ARHGAP10: variants seen among roughly 807,000 people sequenced by gnomAD.
The protein encoded by ARHGAP10 is Rho GTPase activating protein 10.
In ARHGAP10, 87 loss-of-function variants were observed where a neutral mutation model predicts 108.6. The ratio of observed to expected loss-of-function variants is 0.80; its 90% CI spans 0.67 to 0.96. The LOEUF (loss-of-function observed/expected upper bound fraction) is 0.96. Ranked by LOEUF, ARHGAP10 falls within the 40% of genes least tolerant of loss-of-function variation. ARHGAP10 has a pLI of 0.00. For synonymous variants in ARHGAP10, 347 were observed against 341.1 expected (o/e 1.02, Z -0.19); for missense variants, 939 against 954.5 (o/e 0.98, Z 0.21).
At chr4:147,920,445 C>T (rs1302170861) in intron 13 of ARHGAP10, among the ~76,000 whole-genome samples, 2 of 151,828 alleles carry the variant, frequency 1.3e-5, no homozygotes, top group African/African-American at 4.9e-5. Flanking sequence ...TCCCTGCAAC[C>T]TAAATCCAAA....
rs190981237 is a variant in ARHGAP10, at chr4:147,871,768, C to A, written c.703-3253C>A. Among the ~76,000 whole-genome samples, 4 of 152,178 alleles carry A rather than the reference C, an allele frequency of 2.6e-5. No homozygotes were observed. The East Asian group carries it at 7.7e-4, about 29-fold the overall frequency. On this transcript the variant is annotated intron_variant, in intron 7 of 22. Coordinates refer to ENST00000336498, the MANE Select transcript of ARHGAP10 (RefSeq NM_024605.4). ...TTTTAGCCATTCTATTGATTTTATG[C>A]AAAGTTTTCAATTCATAATTTACCT...
rs73853720 is a variant in ARHGAP10 at position 148,072,228 on chromosome 4, G to A, written c.*147G>A. 1.3e-3 allele frequency: 669 copies of A among 527,482 alleles called. 3 individuals carry two copies. Among genetic ancestry groups the A allele is most frequent in the African/African-American group, 0.012 (627 of 50,928 alleles). 32.7% of individuals were successfully genotyped at this position (527,482 alleles called of 1,614,324 possible). ...CATCATCACAGTCAGCCCTGGGGGT[G>A]GGGGGTGGTGGGCAGGGATGGGACG... On this transcript the variant is annotated 3_prime_UTR_variant, in exon 23 of 23. Coordinates refer to ENST00000336498, the MANE Select transcript of ARHGAP10 (RefSeq NM_024605.4).
chr4:148,028,163 G>A (rs770991553), intron 19 of ARHGAP10, among the ~76,000 whole-genome samples: 3 of 152,092 alleles, frequency 2.0e-5, no homozygotes, highest in Non-Finnish European at 2.9e-5. Context: ...GAGCTGTTTC[G>A]GCAGTTGGGT....
At chr4:147,739,005 A>G (rs961475269) in intron 1 of ARHGAP10, among the ~76,000 whole-genome samples, 2 of 151,480 alleles carry the variant, frequency 1.3e-5, no homozygotes, top group Non-Finnish European at 2.9e-5. Flanking sequence ...GAACATGGTG[A>G]AACCCCATCT....
At chr4:148,035,263 A>G (rs1438310725) in intron 19 of ARHGAP10, among the ~76,000 whole-genome samples, 1 of 152,226 alleles carries the variant, frequency 6.6e-6, no homozygotes, top group Non-Finnish European at 1.5e-5. Flanking sequence ...TCTTTGGGCA[A>G]CAGAAAATAA....
At chr4:148,002,721 G>C (rs1342582421) in intron 18 of ARHGAP10, among the ~76,000 whole-genome samples, 3 of 152,000 alleles carry the variant, frequency 2.0e-5, no homozygotes, top group Non-Finnish European at 4.4e-5. Flanking sequence ...ATAGTATTCT[G>C]TGATGGTAGT....
rs1448964603 is a variant in ARHGAP10 at position 147,996,664 on chromosome 4, C to T, written c.1717-26599C>T. ...GGCTGAATCCTCATCCTCCCTGTAC[C>T]CATTTGTTATGGACTAAACTGTGAC... On this transcript the variant is annotated intron_variant, in intron 18 of 22. Transcript: ENST00000336498. Among the ~76,000 whole-genome samples, 7 of 152,270 alleles carry T rather than the reference C, an allele frequency of 4.6e-5. No homozygotes were observed. In the East Asian group the frequency reaches 1.4e-3, roughly 29 times the overall value.
chr4:147,818,966 T>G lies in ARHGAP10; in HGVS notation c.155-3761T>G, dbSNP rs552781256. 3.2e-4 allele frequency among the ~76,000 whole-genome samples: 49 copies of G among 152,290 alleles called. 1 individual carries two copies. The highest frequency in any genetic ancestry group is 1.0e-3 in the African/African-American group (42 of 41,572). On this transcript the variant is annotated intron_variant, in intron 1 of 22. Transcript: ENST00000336498. ...TCACCAGAAAGGGGAAAATGAGTGATAGAAATGCTTATATTTTAAAATGAA... is the reference window on the plus strand; with the variant it reads ...TCACCAGAAAGGGGAAAATGAGTGAGAGAAATGCTTATATTTTAAAATGAA...
At chr4:148,032,232 A>G (rs1036650587) in intron 19 of ARHGAP10, among the ~76,000 whole-genome samples, 1 of 151,420 alleles carries the variant, frequency 6.6e-6, no homozygotes, top group African/African-American at 2.4e-5. Context: ...CTGCGTCTGC[A>G]AGCCAGATCT....
chr4:147,984,165 C>T (rs888536994), intron 18 of ARHGAP10, among the ~76,000 whole-genome samples: 1 of 152,092 alleles, frequency 6.6e-6, no homozygotes, highest in African/African-American at 2.4e-5. Flanking sequence ...GTTTAAGCTG[C>T]AGTCCAGTAG....
intron 3 of ARHGAP10, 115 bp from the exon 4 acceptor site, chr4:147,847,036 C>T (rs192839442): frequency 2.4e-5 from 18 of 746,700 alleles, no homozygotes; most frequent in African/African-American, 1.4e-4. Flanking sequence ...GAGATAAAGC[C>T]GTTAAATACG....
At chr4:147,906,826 C>T (rs997468913) in intron 11 of ARHGAP10, 107 bp downstream of exon 11, 1 of 1,303,870 alleles carries the variant, frequency 7.7e-7, no homozygotes, top group Middle Eastern at 2.0e-4. Context: ...CCTTCTATAA[C>T]AGGTATTCCA....
At chr4:147,793,117 G>A (rs1273058978) in intron 1 of ARHGAP10, among the ~76,000 whole-genome samples, 1 of 152,032 alleles carries the variant, frequency 6.6e-6, no homozygotes, top group African/African-American at 2.4e-5. Context: ...TCCAGCCTGG[G>A]CGACAGAGTG....
chr4:148,012,005 A>T (rs1405051459), intron 18 of ARHGAP10, among the ~76,000 whole-genome samples: 1 of 152,176 alleles, frequency 6.6e-6, no homozygotes, highest in Non-Finnish European at 1.5e-5. Context: ...AGCATGCATG[A>T]CCCAATTTGA....
At chr4:148,030,331 T>G (rs1207669466) in intron 19 of ARHGAP10, among the ~76,000 whole-genome samples, 1 of 152,180 alleles carries the variant, frequency 6.6e-6, no homozygotes, top group Non-Finnish European at 1.5e-5. Flanking sequence ...TATAGCCCCC[T>G]TTGAAACTCT....
rs149873388 is a variant in ARHGAP10 at position 147,743,280 on chromosome 4, G to A, written c.154+10825G>A. 3.5e-3 allele frequency among the ~76,000 whole-genome samples: 535 copies of A among 152,104 alleles called. 5 individuals carry two copies. Among genetic ancestry groups the A allele is most frequent in the African/African-American group, 0.012 (499 of 41,496 alleles). The stretch of plus-strand genomic sequence containing the variant: ...GAATGCTTGACCTCGTGATCCACCC[G>A]CCTCAGCCTCAAAGTGCTGAGATTA... On this transcript the variant is annotated intron_variant, in intron 1 of 22. Coordinates refer to ENST00000336498, the MANE Select transcript of ARHGAP10 (RefSeq NM_024605.4).
chr4:147,894,473 A>G (rs1735911481), intron 10 of ARHGAP10, among the ~76,000 whole-genome samples: 1 of 152,194 alleles, frequency 6.6e-6, no homozygotes, highest in South Asian at 2.1e-4. Flanking sequence ...ATATAATAAT[A>G]GTGAATATTT....
At chr4:147,796,951 A>G (rs2126754290) in intron 1 of ARHGAP10, among the ~76,000 whole-genome samples, 1 of 152,186 alleles carries the variant, frequency 6.6e-6, no homozygotes, top group Admixed American at 6.5e-5. Flanking sequence ...TGTTGATTTT[A>G]GCTCTGAAAT....
intron 7 of ARHGAP10, among the ~76,000 whole-genome samples, chr4:147,870,927 A>AGTGTGT (rs1429453902): frequency 7.7e-6 from 1 of 129,594 alleles, no homozygotes; most frequent in African/African-American, 3.3e-5. Context: ...AAAACTACAG[A>AGTGTGT]CTGTGTGTGT....
Sources: allele counts gnomAD v4.1 joint callset (sites outside exome capture counted in the v4.1 genomes callset), GRCh38; gene constraint gnomAD v4.1.1; transcripts MANE v1.5; gene names NCBI Gene and HGNC (gene_info 2026-07-23, HGNC 2026-07-21).